The following FAM107B variants were observed in gnomAD, a reference collection of about 807,000 sequenced individuals.
The protein encoded by FAM107B is protein FAM107B.
Under a neutral mutation model 31.5 loss-of-function variants are expected in FAM107B, and 21 were observed. That is an observed-to-expected ratio of 0.67 (90% CI 0.47 to 0.96). The LOEUF (loss-of-function observed/expected upper bound fraction) is 0.96, where lower values mean the gene tolerates loss of function less well. Among genes scored for constraint, FAM107B ranks in the 40% least tolerant of loss-of-function variants. FAM107B has a pLI of 0.00. For missense variants in FAM107B, 452 were observed against 377.1 expected (o/e 1.20, Z -1.64); for synonymous variants, 157 against 141.5 (o/e 1.11, Z -0.78).
At chr10:14,710,258 G>T (rs1241524733) in intron 1 of FAM107B, among the ~76,000 whole-genome samples, 1 of 151,960 alleles carries the variant, frequency 6.6e-6, no homozygotes, top group Non-Finnish European at 1.5e-5. Flanking sequence ...ATTAAAAAAT[G>T]TAACATAGTC....
At chr10:14,753,002 C>A (rs767926140) in intron 1 of FAM107B, among the ~76,000 whole-genome samples, 1 of 151,852 alleles carries the variant, frequency 6.6e-6, no homozygotes. Flanking sequence ...AATGCCAAGA[C>A]TGAGTAATTT....
intron 1 of FAM107B, among the ~76,000 whole-genome samples, chr10:14,707,149 C>A (rs12241194): frequency 0.36 from 53,915 of 151,346 alleles, 10,020 homozygotes; most frequent in South Asian, 0.47. Context: ...ACAACAACAA[C>A]AAAAAAACAA....
chr10:14,567,548 C>T (rs1370269158), intron 2 of FAM107B, among the ~76,000 whole-genome samples: 1 of 152,134 alleles, frequency 6.6e-6, no homozygotes, highest in African/African-American at 2.4e-5. Context: ...AGAGAGGCAA[C>T]TGTGTAACTT....
intron 2 of FAM107B, among the ~76,000 whole-genome samples, chr10:14,619,833 A>C (rs1052431044): frequency 1.3e-5 from 2 of 151,790 alleles, no homozygotes; most frequent in African/African-American, 4.8e-5. Flanking sequence ...ATTTCAAATT[A>C]ATATTTTCAT....
chr10:14,589,780 A>G (rs911573103), intron 2 of FAM107B, among the ~76,000 whole-genome samples: 1 of 152,212 alleles, frequency 6.6e-6, no homozygotes, highest in African/African-American at 2.4e-5. Flanking sequence ...AGAATCCTGC[A>G]TGTACTGCAC....
chr10:14,699,024 G>A (rs1386266632), intron 1 of FAM107B, among the ~76,000 whole-genome samples: 1 of 151,654 alleles, frequency 6.6e-6, no homozygotes, highest in African/African-American at 2.4e-5. Flanking sequence ...GTTGGAGCAT[G>A]GAGAGTGGGT....
chr10:14,565,445 G>A (rs1465779360), intron 2 of FAM107B, among the ~76,000 whole-genome samples: 1 of 152,158 alleles, frequency 6.6e-6, no homozygotes, highest in Non-Finnish European at 1.5e-5. Context: ...TTAGCACACA[G>A]ATACAAACCC....
chr10:14,635,252 T>C (rs1217759247), intron 2 of FAM107B, among the ~76,000 whole-genome samples: 1 of 151,978 alleles, frequency 6.6e-6, no homozygotes, highest in African/African-American at 2.4e-5. Context: ...AGGAGAAATA[T>C]GCAGAAGAAG....
intron 1 of FAM107B, among the ~76,000 whole-genome samples, chr10:14,692,479 G>A (rs568412504): frequency 2.0e-5 from 3 of 152,238 alleles, no homozygotes; most frequent in South Asian, 4.1e-4. Flanking sequence ...TTTATCAGTG[G>A]CAAGCAATAT....
chr10:14,645,912 T>C (rs931949094), intron 2 of FAM107B, among the ~76,000 whole-genome samples: 3 of 152,152 alleles, frequency 2.0e-5, no homozygotes, highest in Admixed American at 6.5e-5. Context: ...TTTTAATGAA[T>C]GAAAGGTTAA....
intron 1 of FAM107B, among the ~76,000 whole-genome samples, chr10:14,755,615 A>G (rs1832912791): frequency 6.6e-6 from 1 of 152,140 alleles, no homozygotes; most frequent in South Asian, 2.1e-4. Context: ...CCTTGTAACT[A>G]TTCTCTCTAG....
At chr10:14,649,424 T>G (rs1853844091) in intron 2 of FAM107B, among the ~76,000 whole-genome samples, 1 of 152,212 alleles carries the variant, frequency 6.6e-6, no homozygotes, top group African/African-American at 2.4e-5. Context: ...GTCTGGCACC[T>G]TTTAAAGTCT....
At chr10:14,586,438 A>G (rs1312267798) in intron 2 of FAM107B, among the ~76,000 whole-genome samples, 2 of 152,146 alleles carry the variant, frequency 1.3e-5, no homozygotes, top group African/African-American at 4.8e-5. Context: ...CCATAAATTC[A>G]TATTATTTAA....
chr10:14,767,817 C>G (rs957643334), intron 1 of FAM107B, among the ~76,000 whole-genome samples: 1 of 151,962 alleles, frequency 6.6e-6, no homozygotes, highest in Non-Finnish European at 1.5e-5. Flanking sequence ...AAGTTTCCAC[C>G]AGAGCAATGA....
chr10:14,723,218 G>A (rs1855953914), intron 1 of FAM107B: 6 of 527,564 alleles, frequency 1.1e-5, no homozygotes, highest in South Asian at 8.4e-5. Context: ...TGAGCAGTGG[G>A]AGCCACAGAT....
In FAM107B at chr10:14,774,590, G is replaced by A. The variant is rs1166278651; in HGVS notation, c.74C>T (p.Ser25Leu). 2 of 1,614,226 alleles carry A rather than the reference G, an allele frequency of 1.2e-6. No homozygotes were observed. The highest frequency in any genetic ancestry group is 2.2e-5 in the South Asian group (2 of 91,088). Reference sequence around the variant, plus strand: ...ATTCCCAAAACAGGCGAGCAGAGCTGAGCACGGAAATGGATGCATGCTTCT... The same window carrying A: ...ATTCCCAAAACAGGCGAGCAGAGCTAAGCACGGAAATGGATGCATGCTTCT... ...PSRSMHPFPC[S>L]ALLACFGNTR... The change falls in exon 1 of 5, where the codon TCA becomes TTA. Residue 25 changes from serine to leucine, a missense_variant. Ser to Leu is a moderately radical substitution (Grantham distance 145). Transcript: ENST00000181796.
intron 1 of FAM107B, among the ~76,000 whole-genome samples, chr10:14,757,997 T>C (rs1255820943): frequency 1.3e-5 from 2 of 152,286 alleles, no homozygotes; most frequent in East Asian, 1.9e-4. Flanking sequence ...AATTATGCTT[T>C]GGAGATGAAT....
chr10:14,651,491 G>C (rs776943320), intron 2 of FAM107B, among the ~76,000 whole-genome samples: 6 of 152,140 alleles, frequency 3.9e-5, no homozygotes, highest in Non-Finnish European at 8.8e-5. Context: ...TGTAATCCCA[G>C]CTACTTAGGA....
At chr10:14,651,251 T>C (rs1588683220) in intron 2 of FAM107B, among the ~76,000 whole-genome samples, 1 of 152,190 alleles carries the variant, frequency 6.6e-6, no homozygotes, top group Non-Finnish European at 1.5e-5. Flanking sequence ...TAGGATTCTC[T>C]GGCTAAAGAA....
Sources: gnomAD v4.1 joint callset for allele counts (sites outside exome capture counted in the v4.1 genomes callset) on GRCh38, gnomAD v4.1.1 for gene constraint, MANE v1.5 for transcripts, NCBI Gene and HGNC (gene_info 2026-07-23, HGNC 2026-07-21) for gene names.